Variants in ACTR3C observed in about 807,000 individuals in gnomAD.
ACTR3C encodes actin-related protein 3C.
A neutral mutation model predicts 26.3 loss-of-function variants in ACTR3C; 18 were observed. The ratio of observed to expected loss-of-function variants is 0.68; its 90% confidence interval spans 0.47 to 1.01. The LOEUF (loss-of-function observed/expected upper bound fraction) is 1.01. ACTR3C is among the 50% of genes least tolerant of loss of function. ACTR3C has a pLI of 0.00. For synonymous variants in ACTR3C, 55 were observed against 94.5 expected, an observed-to-expected ratio of 0.58 and a Z score of 2.42; for missense variants, 184 against 250.7, an observed-to-expected ratio of 0.73 and a Z score of 1.80.
the ACTR3C span, among the ~76,000 whole-genome samples, chr7:150,141,028 T>G: frequency 6.6e-6 from 1 of 152,254 alleles, no homozygotes; most frequent in Admixed American, 6.5e-5. Flanking sequence ...AGACAAAGCC[T>G]AATCCAGGGC....
At chr7:149,946,065 C>A in the ACTR3C span, among the ~76,000 whole-genome samples, 1 of 152,170 alleles carries the variant, frequency 6.6e-6, no homozygotes, top group Non-Finnish European at 1.5e-5. Flanking sequence ...TTGGTGGATT[C>A]TCCCAACTTG....
the ACTR3C span, among the ~76,000 whole-genome samples, chr7:149,945,133 G>A: frequency 1.3e-5 from 2 of 152,042 alleles, no homozygotes; most frequent in Non-Finnish European, 2.9e-5. Context: ...TGGGGAGCAT[G>A]ATGTTAATAG....
chr7:150,221,858 C>T, the ACTR3C span, among the ~76,000 whole-genome samples: 4 of 151,996 alleles, frequency 2.6e-5, no homozygotes, highest in East Asian at 1.9e-4. Context: ...ATTAGCCAGG[C>T]GTGGTGGCGG....
At chr7:150,079,394 G>A in the ACTR3C span, among the ~76,000 whole-genome samples, 16 of 152,254 alleles carry the variant, frequency 1.1e-4, no homozygotes, top group South Asian at 2.1e-4. Flanking sequence ...AGTCAGTCTC[G>A]CACGGCTGTT....
At chr7:150,171,600 C>A in the ACTR3C span, among the ~76,000 whole-genome samples, 1 of 149,980 alleles carries the variant, frequency 6.7e-6, no homozygotes, top group African/African-American at 2.5e-5. Flanking sequence ...AAATTAAGAT[C>A]AAAGGAAGTA....
chr7:150,318,201 A>G (rs1797131042), intron 1 of ACTR3C, among the ~76,000 whole-genome samples: 1 of 152,130 alleles, frequency 6.6e-6, no homozygotes, highest in Non-Finnish European at 1.5e-5. Flanking sequence ...CGGTTTGGAT[A>G]ATGTTCTTGT....
chr7:149,943,497 C>T, the ACTR3C span, among the ~76,000 whole-genome samples: 4,688 of 147,258 alleles, frequency 0.032, 261 homozygotes, highest in African/African-American at 0.12. Context: ...GAGGCCGAGG[C>T]GGGCAGATCG....
the ACTR3C span, among the ~76,000 whole-genome samples, chr7:150,235,554 T>C: frequency 2.0e-5 from 3 of 152,230 alleles, no homozygotes; most frequent in Admixed American, 2.0e-4. Flanking sequence ...TGGACAAGTC[T>C]AAACTTTCAA....
At chr7:150,302,648 G>A (rs1203089342) in intron 1 of ACTR3C, among the ~76,000 whole-genome samples, 2 of 152,136 alleles carry the variant, frequency 1.3e-5, no homozygotes, top group Non-Finnish European at 2.9e-5. Context: ...CTATGTTAAT[G>A]TGATAAGACT....
At chr7:150,050,100 TG>T in the ACTR3C span, among the ~76,000 whole-genome samples, 1 of 152,090 alleles carries the variant, frequency 6.6e-6, no homozygotes, top group Non-Finnish European at 1.5e-5. Flanking sequence ...GTGCTTTTGA[TG>T]GGAGGAAGCT....
the ACTR3C span, among the ~76,000 whole-genome samples, chr7:150,040,079 GGA>G: frequency 7.0e-6 from 1 of 142,514 alleles, no homozygotes; most frequent in African/African-American, 2.8e-5. Flanking sequence ...CACTGCGATG[GGA>G]GTCCCAAGAG....
At chr7:150,051,205 C>T in the ACTR3C span, among the ~76,000 whole-genome samples, 1 of 151,816 alleles carries the variant, frequency 6.6e-6, no homozygotes, top group Non-Finnish European at 1.5e-5. Flanking sequence ...ACACACATTG[C>T]AGTCGAGGGT....
the ACTR3C span, chr7:150,001,954 A>C: frequency 6.6e-6 from 1 of 152,280 alleles, no homozygotes; most frequent in African/African-American, 2.4e-5. Context: ...GCGAGAACCA[A>C]CGTGCATGGG....
At chr7:150,032,291 G>A in the ACTR3C span, among the ~76,000 whole-genome samples, 3 of 152,212 alleles carry the variant, frequency 2.0e-5, no homozygotes, top group East Asian at 1.9e-4. Context: ...GAAAGGAGGG[G>A]TGCATTTTGA....
the ACTR3C span, among the ~76,000 whole-genome samples, chr7:150,139,123 C>T: frequency 6.6e-6 from 1 of 152,258 alleles, no homozygotes; most frequent in Non-Finnish European, 1.5e-5. Context: ...CATCCTGAAA[C>T]CATCCCACCC....
intron 6 of ACTR3C, among the ~76,000 whole-genome samples, chr7:150,255,031 T>C (rs1833105870): frequency 6.6e-6 from 1 of 152,032 alleles, no homozygotes. Context: ...AAAAATCTCA[T>C]AATTATAGAG....
intron 1 of ACTR3C, among the ~76,000 whole-genome samples, chr7:150,317,673 T>A (rs996997020): frequency 3.3e-5 from 5 of 152,162 alleles, no homozygotes; most frequent in African/African-American, 1.2e-4. Flanking sequence ...ACATTTCATG[T>A]TTTCCATTTA....
the ACTR3C span, among the ~76,000 whole-genome samples, chr7:150,196,413 T>C: frequency 1.3e-5 from 2 of 152,256 alleles, no homozygotes; most frequent in South Asian, 4.1e-4. Flanking sequence ...TTATCCACAT[T>C]TATATTCATT....
chr7:150,227,688 G>GTTT, the ACTR3C span, among the ~76,000 whole-genome samples: 309 of 111,264 alleles, frequency 2.8e-3, 11 homozygotes, highest in African/African-American at 0.011. Context: ...TTGTGTCTGG[G>GTTT]TTTTTTTTTT....
Sources: gnomAD v4.1 joint callset for allele counts (sites outside exome capture counted in the v4.1 genomes callset) on GRCh38, gnomAD v4.1.1 for gene constraint, MANE v1.5 for transcripts, NCBI Gene and HGNC (gene_info 2026-07-23, HGNC 2026-07-21) for gene names.